MICU1: variants seen among roughly 807,000 people sequenced by gnomAD.
The protein encoded by MICU1 is calcium uptake protein 1, mitochondrial.
A neutral mutation model predicts 56.8 loss-of-function variants in MICU1; 45 were observed. That is an observed-to-expected ratio of 0.79 (90% CI 0.62 to 1.02). The LOEUF is 1.02. Ranked by LOEUF, MICU1 falls within the 50% of genes least tolerant of loss-of-function variation. The pLI, the probability that MICU1 is intolerant of heterozygous loss-of-function variation, is 0.00. For missense variants in MICU1, 504 were observed against 587.1 expected (o/e 0.86, Z 1.46); for synonymous variants, 186 against 195.1 (o/e 0.95, Z 0.39).
chr10:72,453,503 C>T (rs1486786803), intron 8 of MICU1, among the ~76,000 whole-genome samples: 1 of 151,910 alleles, frequency 6.6e-6, no homozygotes, highest in Non-Finnish European at 1.5e-5. Context: ...AAAATCCCAA[C>T]ATTACTTTAT....
chr10:72,421,895 G>A (rs1864186582), intron 9 of MICU1, among the ~76,000 whole-genome samples: 1 of 152,084 alleles, frequency 6.6e-6, no homozygotes, highest in Non-Finnish European at 1.5e-5. Context: ...ATGAAGTCTT[G>A]CATGTTCTGT....
At chr10:72,523,137 C>G (rs1867871301) in intron 5 of MICU1, among the ~76,000 whole-genome samples, 3 of 152,100 alleles carry the variant, frequency 2.0e-5, no homozygotes, top group African/African-American at 7.2e-5. Context: ...TTAGTAAGGA[C>G]ACCTATCCAA....
intron 8 of MICU1, among the ~76,000 whole-genome samples, chr10:72,430,627 C>A (rs1344586359): frequency 6.6e-6 from 1 of 152,154 alleles, no homozygotes; most frequent in Non-Finnish European, 1.5e-5. Context: ...ATGGCGTGAT[C>A]TTGGCTCACT....
intron 6 of MICU1, among the ~76,000 whole-genome samples, chr10:72,485,903 A>G (rs940813998): frequency 1.1e-4 from 17 of 151,782 alleles, no homozygotes; most frequent in Admixed American, 3.3e-4. Context: ...ACACACGCAC[A>G]CACACACACA....
intron 10 of MICU1, among the ~76,000 whole-genome samples, chr10:72,383,997 A>AT (rs1862806091): frequency 5.4e-5 from 7 of 130,590 alleles, no homozygotes; most frequent in Non-Finnish European, 8.9e-5. Flanking sequence ...ATTAAAAAAA[A>AT]ATTTTTTTTT....
At chr10:72,478,170 C>T (rs1192875447) in intron 6 of MICU1, among the ~76,000 whole-genome samples, 4 of 152,128 alleles carry the variant, frequency 2.6e-5, no homozygotes, top group Non-Finnish European at 5.9e-5. Flanking sequence ...CGTCTGGCCT[C>T]AGCCCCCTAT....
intron 10 of MICU1, among the ~76,000 whole-genome samples, chr10:72,390,435 A>G: frequency 6.6e-6 from 1 of 152,258 alleles, no homozygotes. Flanking sequence ...TGCTGCAAGA[A>G]GAAATTCTAT....
intron 4 of MICU1, among the ~76,000 whole-genome samples, chr10:72,537,033 T>C (rs1225229850): frequency 6.6e-6 from 1 of 152,200 alleles, no homozygotes; most frequent in African/African-American, 2.4e-5. Context: ...TTATGTTTTA[T>C]ATTTTATGCT....
intron 1 of MICU1, among the ~76,000 whole-genome samples, chr10:72,569,238 T>TATATA (rs1554890955): frequency 1.0e-4 from 3 of 29,780 alleles, no homozygotes; most frequent in East Asian, 2.0e-3. Context: ...TATATATATA[T>TATATA]TTTTTTTTTT....
At chr10:72,571,729 A>G (rs1840615489) in intron 1 of MICU1, among the ~76,000 whole-genome samples, 1 of 152,156 alleles carries the variant, frequency 6.6e-6, no homozygotes, top group Admixed American at 6.6e-5. Flanking sequence ...TTATAAGTGT[A>G]GAAATAAAAA....
chr10:72,535,971 C>T lies in MICU1; in HGVS notation c.494-2182G>A, dbSNP rs142040003. ...AAGGCAGGAACAGAAAGTTAAACAC[C>T]GCATGTTCTCATCCCTACGTGGAAG... is the stretch of plus-strand genomic sequence containing the variant. On this transcript the variant is annotated intron_variant, in intron 4 of 11. Coordinates refer to ENST00000361114, the MANE Select transcript of MICU1 (RefSeq NM_001195518.2). 3.2e-3 allele frequency among the ~76,000 whole-genome samples: 483 copies of T among 152,062 alleles called. 3 individuals carry two copies. Among genetic ancestry groups the T allele is most frequent in the African/African-American group, 0.011 (452 of 41,488 alleles).
At position 72,477,162 on chromosome 10, in the gene MICU1, A is replaced by G; in HGVS notation, c.735+12T>C. 1 of 1,532,738 alleles carries G rather than the reference A, an allele frequency of 6.5e-7. No homozygotes were observed. Among genetic ancestry groups the G allele is most frequent in the East Asian group, 2.4e-5 (1 of 40,910 alleles). The allele number at this position is 1,532,738 out of a possible 1,614,324, so 94.9% of individuals were successfully genotyped here. On this transcript the variant is annotated intron_variant, in intron 7 of 11. Coordinates refer to ENST00000361114, the MANE Select transcript of MICU1 (RefSeq NM_001195518.2). ...ATTAATGTATTTAGAGGAACTCTCC[A>G]GGACAACTTGCCTGTTCAAATTCTT... is the stretch of plus-strand genomic sequence containing the variant.
intron 5 of MICU1, among the ~76,000 whole-genome samples, chr10:72,509,663 C>A (rs578116102): frequency 6.6e-6 from 1 of 152,254 alleles, no homozygotes; most frequent in East Asian, 1.9e-4. Context: ...ACTTCTTTTG[C>A]GGCTCACAGA....
intron 1 of MICU1, among the ~76,000 whole-genome samples, chr10:72,620,799 T>G (rs1271485049): frequency 6.6e-6 from 1 of 152,246 alleles, no homozygotes; most frequent in Non-Finnish European, 1.5e-5. Flanking sequence ...TTATTAATTA[T>G]ATTTAATGTC....
chr10:72,550,681 A>C (rs888481112), intron 4 of MICU1, among the ~76,000 whole-genome samples: 1 of 152,168 alleles, frequency 6.6e-6, no homozygotes, highest in Non-Finnish European at 1.5e-5. Context: ...TTCTTTTTAA[A>C]CATAGGTGTT....
chr10:72,439,282 A>G (rs1241278191), intron 8 of MICU1, among the ~76,000 whole-genome samples: 1 of 152,234 alleles, frequency 6.6e-6, no homozygotes, highest in Non-Finnish European at 1.5e-5. Context: ...TCACATAAAC[A>G]GAACCAATGA....
At chr10:72,538,493 G>T (rs1249241782) in intron 4 of MICU1, among the ~76,000 whole-genome samples, 2 of 152,034 alleles carry the variant, frequency 1.3e-5, no homozygotes, top group African/African-American at 4.8e-5. Context: ...GTGTGTCTGT[G>T]ATCAAAGTTA....
intron 1 of MICU1, among the ~76,000 whole-genome samples, chr10:72,583,482 T>C (rs1840962235): frequency 2.0e-5 from 3 of 152,134 alleles, no homozygotes; most frequent in Non-Finnish European, 4.4e-5. Flanking sequence ...GGTTTCACCA[T>C]GTTGGCCAGG....
At chr10:72,503,605 A>G (rs1867146686) in intron 6 of MICU1, among the ~76,000 whole-genome samples, 2 of 152,178 alleles carry the variant, frequency 1.3e-5, no homozygotes, top group African/African-American at 4.8e-5. Flanking sequence ...AAATGTTTAA[A>G]ACCAGTAGTA....
Sources: gnomAD v4.1 joint callset for allele counts (sites outside exome capture counted in the v4.1 genomes callset) on GRCh38, gnomAD v4.1.1 for gene constraint, MANE v1.5 for transcripts, NCBI Gene and HGNC (gene_info 2026-07-23, HGNC 2026-07-21) for gene names.